The following RTL3 variants were observed in gnomAD, a reference collection of about 807,000 sequenced individuals.
RTL3 encodes the protein retrotransposon Gag like 3.
For synonymous variants in RTL3, 181 were observed against 132.2 expected (o/e 1.37, Z -2.53); for missense variants, 468 against 341.8 (o/e 1.37, Z -2.91).
rs931846858 is a variant in RTL3 at position 78,656,734 on chromosome X, G to T, written c.*259C>A. The T allele has an allele frequency of 2.8e-6, 1 of 353,650 alleles. No individual in the cohort carries two copies. The highest frequency in any genetic ancestry group is 4.9e-6 in the Non-Finnish European group (1 of 205,298). 29.1% of individuals were successfully genotyped at this position (353,650 alleles called of 1,213,427 possible). The stretch of plus-strand genomic sequence containing the variant: ...AACTTGGACAGGTGATGTTTCCTTA[G>T]TTATGGGTCCATTAATAAGTGGATG... On this transcript the variant is annotated 3_prime_UTR_variant, in exon 2 of 2. Transcript: ENST00000321110.
At position 78,658,139 on chromosome X, in the gene RTL3, A is replaced by G; in HGVS notation, c.282T>C (p.Leu94=). The G allele has an allele frequency of 8.6e-7, 1 of 1,161,005 alleles. No homozygotes were observed. The highest frequency in any genetic ancestry group is 3.0e-5 in the East Asian group (1 of 33,327). Residue 94 remains leucine (L), a synonymous_variant, in exon 2 of 2, where the codon CTT becomes CTC. Transcript: ENST00000321110. ...AGGCTGCTGGGGGTTCCCAGGGTAG[A>G]AGATCCTGTGGCTCTGGTGGCTTCT... is the stretch of plus-strand genomic sequence containing the variant. The part of the protein sequence containing the change: ...EPQKPPEPQD[L]LPWEPPAAWE...
Position 78,657,492 on chromosome X carries a change from G to A in RTL3, c.929C>T (p.Pro310Leu). The A allele has an allele frequency of 1.7e-6, 2 of 1,207,269 alleles. No individual in the cohort carries two copies. Among genetic ancestry groups the A allele is most frequent in the Non-Finnish European group, 2.2e-6 (2 of 893,024 alleles). ...PLLEQCESFI[P>L]VLQDTFDNPE... ...ATTATCAAAAGTATCCTGGAGCACA[G>A]GTATGAAACTTTCACATTGCTCCAG... Residue 310 changes from proline to leucine, a missense_variant, in exon 2 of 2, where the codon CCT becomes CTT. Transcript: ENST00000321110.
In RTL3 at chrX:78,657,623, C is replaced by A; in HGVS notation, c.798G>T (p.Gly266=). 8.3e-7 allele frequency: 1 copy of A among 1,206,906 alleles called. No homozygotes were observed. The highest frequency in any genetic ancestry group is 1.1e-6 in the Non-Finnish European group (1 of 892,971). The change falls in exon 2 of 2, where the codon GGG becomes GGT. Residue 266 remains glycine, a synonymous_variant. Coordinates refer to ENST00000321110, the MANE Select transcript of RTL3 (RefSeq NM_152694.3). ...VQLYSYMRVR[G]HLYPTEAALV... is the part of the protein sequence containing the mutation. Reference sequence around the variant, plus strand: ...GGGCTGCTTCAGTGGGATACAGGTGCCCTCTGACTCTCATGTAACTATACA... The same window carrying A: ...GGGCTGCTTCAGTGGGATACAGGTGACCTCTGACTCTCATGTAACTATACA...
Position 78,657,893 on chromosome X carries a change from A to T in RTL3, c.528T>A (p.Thr176=), listed in dbSNP as rs763677396. The T allele has an allele frequency of 8.3e-7, 1 of 1,207,385 alleles. No individual in the cohort carries two copies. The highest frequency in any genetic ancestry group is 3.0e-5 in the East Asian group (1 of 33,803). ...KPQEAPEYQE[T]AAQLEFLELP... ...GCTCAAGGAACTCTAGCTGTGCTGC[A>T]GTTTCCTGGTATTCTGGTGCCTCCT... Residue 176 remains threonine, a synonymous_variant, in exon 2 of 2, where the codon ACT becomes ACA. Coordinates refer to ENST00000321110, the MANE Select transcript of RTL3 (RefSeq NM_152694.3).
chrX:78,657,123 T>C lies in RTL3; in HGVS notation c.1298A>G (p.Glu433Gly). Residue 433 changes from glutamate to glycine, a missense_variant, in exon 2 of 2, where the codon GAA (glutamate) becomes GGA (glycine). Coordinates refer to ENST00000321110, the MANE Select transcript of RTL3 (RefSeq NM_152694.3). ...QAAINCPHISEAEWVRWHKGR... is the reference protein window; with the variant it reads ...QAAINCPHISGAEWVRWHKGR... ...TTTGTGCCAACGGACCCATTCAGCT[T>C]CACTGATGTGTGGGCAGTTGATTGC... 2 of 1,212,233 alleles carry C rather than the reference T, an allele frequency of 1.6e-6. No individual in the cohort carries two copies. The highest frequency in any genetic ancestry group is 2.2e-6 in the Non-Finnish European group (2 of 895,612).
Position 78,658,304 on chromosome X carries a change from C to T in RTL3, c.117G>A (p.Glu39=). 2 of 1,211,248 alleles carry T rather than the reference C, an allele frequency of 1.7e-6. No individual in the cohort carries two copies. The highest frequency in any genetic ancestry group is 2.2e-6 in the Non-Finnish European group (2 of 895,364). The part of the protein sequence containing the change: ...ENAALQAQIP[E]LQKSQAAKEY... ...CCTTGGCTGCTTGGGACTTCTGAAG[C>T]TCTGGGATCTGGGCCTGGAGAGCAG... Residue 39 remains glutamate (E), a synonymous_variant, in exon 2 of 2, where the codon GAG becomes GAA. Coordinates refer to ENST00000321110, the MANE Select transcript of RTL3 (RefSeq NM_152694.3).
intron 1 of RTL3, among the ~76,000 whole-genome samples, chrX:78,658,854 A>T (rs897007718): frequency 3.6e-5 from 4 of 112,000 alleles, no homozygotes; most frequent in Non-Finnish European, 7.5e-5. Flanking sequence ...ATCCTTTGAA[A>T]CTTAACATTA....
In RTL3 at chrX:78,657,724, C is replaced by A; in HGVS notation, c.697G>T (p.Ala233Ser). ...GTGTATTGCAGGGGGAAATCTGTAGCCTCTAACCCAATAGGGGCCTGTGGA... is the reference window on the plus strand; with the variant it reads ...GTGTATTGCAGGGGGAAATCTGTAGACTCTAACCCAATAGGGGCCTGTGGA... ...EFPQAPIGLE[A>S]TDFPLQYTLT... The change falls in exon 2 of 2, where the codon GCT becomes TCT. Residue 233 changes from alanine (A) to serine (S), a missense_variant. Transcript: ENST00000321110. 1.7e-6 allele frequency: 2 copies of A among 1,211,114 alleles called. No homozygotes were observed. Among genetic ancestry groups the A allele is most frequent in the South Asian group, 1.8e-5 (1 of 56,835 alleles).
In RTL3 at chrX:78,658,220, G is replaced by A. The variant is rs756741156; in HGVS notation, c.201C>T (p.His67=). The A allele has an allele frequency of 1.8e-5, 22 of 1,208,510 alleles. No homozygotes were observed. The highest frequency in any genetic ancestry group is 2.3e-4 in the Middle Eastern group (1 of 4,323). The change falls in exon 2 of 2, where the codon CAC becomes CAT. Residue 67 remains histidine (H), a synonymous_variant. Coordinates refer to ENST00000321110, the MANE Select transcript of RTL3 (RefSeq NM_152694.3). ...CCTCCCAGGCTGCTGGGGGATTCAT[G>A]TGCTCTGGGAGCTTCTGGGGCTCCT... ...EAKEPQKLPE[H]MNPPAAWEAQ...
At position 78,657,645 on chromosome X, in the gene RTL3, T is replaced by C. The variant is rs758344841; in HGVS notation, c.776A>G (p.Tyr259Cys). The C allele has an allele frequency of 7.5e-6, 9 of 1,205,987 alleles. No homozygotes were observed. In the East Asian group the frequency reaches 2.7e-4, roughly 36 times the overall value. The stretch of plus-strand genomic sequence containing the variant: ...GTGCCCTCTGACTCTCATGTAACTA[T>C]ACAGCTGAACCAGGAACTCAGGAAG... ...QKLPEFLVQL[Y>C]SYMRVRGHLY... Residue 259 changes from tyrosine to cysteine, a missense_variant, in exon 2 of 2, where the codon TAT (tyrosine) becomes TGT (cysteine). By Grantham distance (194) the Tyr-to-Cys change is radical (BLOSUM62 -2). Coordinates refer to ENST00000321110, the MANE Select transcript of RTL3 (RefSeq NM_152694.3).
chrX:78,657,198 T>C lies in RTL3; in HGVS notation c.1223A>G (p.Glu408Gly). ...TGGTGGACTCTCGGGTCCATCTCCCTCTGCAGAGGAACTTTTCCCTAATGG... is the reference window on the plus strand; with the variant it reads ...TGGTGGACTCTCGGGTCCATCTCCCCCTGCAGAGGAACTTTTCCCTAATGG... ...PNPLGKSSSA[E>G]GDGPESPPAE... The change falls in exon 2 of 2, where the codon GAG becomes GGG. Residue 408 changes from glutamate (E) to glycine (G), a missense_variant. By Grantham distance (98) the Glu-to-Gly change is moderately conservative (BLOSUM62 -2). Transcript: ENST00000321110. 1.6e-6 allele frequency: 2 copies of C among 1,212,296 alleles called. No homozygotes were observed. Among genetic ancestry groups the C allele is most frequent in the Non-Finnish European group, 2.2e-6 (2 of 895,623 alleles).
chrX:78,657,460 T>C lies in RTL3; in HGVS notation c.961A>G (p.Asn321Asp), dbSNP rs746805876. 2.5e-6 allele frequency: 3 copies of C among 1,208,166 alleles called. No homozygotes were observed. The African/African-American group carries it at 5.2e-5, about 21-fold the overall frequency. The change falls in exon 2 of 2, where the codon AAC becomes GAC. Residue 321 changes from asparagine (N) to aspartate (D), a missense_variant. Asn to Asp is a conservative substitution (Grantham distance 23). Transcript: ENST00000321110. ...VLQDTFDNPE[N>D]MKDANQCIHQ... ...ATGCACTGGTTGGCATCTTTCATGT[T>C]TTCTGGATTATCAAAAGTATCCTGG...
In RTL3 at chrX:78,656,787, G is replaced by A. The variant is rs1437749516; in HGVS notation, c.*206C>T. 1 of 424,824 alleles carries A rather than the reference G, an allele frequency of 2.4e-6. No homozygotes were observed. Among genetic ancestry groups the A allele is most frequent in the South Asian group, 4.9e-5 (1 of 20,488 alleles). The allele number at this position is 424,824 out of a possible 1,213,427, so 35.0% of individuals were successfully genotyped here. On this transcript the variant is annotated 3_prime_UTR_variant, in exon 2 of 2. Coordinates refer to ENST00000321110, the MANE Select transcript of RTL3 (RefSeq NM_152694.3). ...CGTCGACAGTTTCCAGCATCAGAGG[G>A]AAGATATTACTGCGGATGGGCAGCT...
Position 78,658,274 on chromosome X carries a change from A to C in RTL3, c.147T>G (p.Tyr49Ter). ...CCTCTGAGGACTTTCGGAGTAGATC[A>C]TACTCCTTGGCTGCTTGGGACTTCT... ...ELQKSQAAKE[Y>*]DLLRKSSEAK... The change falls in exon 2 of 2, where the codon TAT (tyrosine) becomes TAG (stop). Residue 49 changes from tyrosine to a stop codon, truncating the protein, a stop_gained. Coordinates refer to ENST00000321110, the MANE Select transcript of RTL3 (RefSeq NM_152694.3). LOFTEE classifies it low-confidence loss of function (END_TRUNC). 8.3e-7 allele frequency: 1 copy of C among 1,210,610 alleles called. No homozygotes were observed. Among genetic ancestry groups the C allele is most frequent in the Non-Finnish European group, 1.1e-6 (1 of 895,199 alleles).
Position 78,656,976 on chromosome X carries a change from C to T in RTL3, c.*17G>A, listed in dbSNP as rs1923002673. The T allele has an allele frequency of 8.4e-7, 1 of 1,190,223 alleles. No individual in the cohort carries two copies. The highest frequency in any genetic ancestry group is 1.7e-5 in the African/African-American group (1 of 57,521). On this transcript the variant is annotated 3_prime_UTR_variant, in exon 2 of 2. Coordinates refer to ENST00000321110, the MANE Select transcript of RTL3 (RefSeq NM_152694.3). The stretch of plus-strand genomic sequence containing the variant: ...AGGGGGACGCATATTTGTAGATTGG[C>T]CCACGTGGGGTCCCCCTTACTGGCA...
chrX:78,657,648 A>C lies in RTL3; in HGVS notation c.773T>G (p.Leu258Arg). Residue 258 changes from leucine to arginine, a missense_variant, in exon 2 of 2, where the codon CTG becomes CGG. By Grantham distance (102) the Leu-to-Arg change is moderately radical (BLOSUM62 -2). Coordinates refer to ENST00000321110, the MANE Select transcript of RTL3 (RefSeq NM_152694.3). ...SQKLPEFLVQ[L>R]YSYMRVRGHL... Reference sequence around the variant, plus strand: ...CCCTCTGACTCTCATGTAACTATACAGCTGAACCAGGAACTCAGGAAGCTT... The same window carrying C: ...CCCTCTGACTCTCATGTAACTATACCGCTGAACCAGGAACTCAGGAAGCTT... The C allele has an allele frequency of 8.3e-7, 1 of 1,207,925 alleles. No individual in the cohort carries two copies. The highest frequency in any genetic ancestry group is 1.8e-5 in the South Asian group (1 of 56,195).
At position 78,657,959 on chromosome X, in the gene RTL3, C is replaced by A. The variant is rs773935855; in HGVS notation, c.462G>T (p.Lys154Asn). 1.7e-6 allele frequency: 2 copies of A among 1,206,331 alleles called. No individual in the cohort carries two copies. The highest frequency in any genetic ancestry group is 5.9e-5 in the East Asian group (2 of 33,763). Residue 154 changes from lysine to asparagine, a missense_variant, in exon 2 of 2, where the codon AAG (lysine) becomes AAT (asparagine). Lys to Asn is a moderately conservative substitution (Grantham distance 94). Transcript: ENST00000321110. Reference sequence around the variant, plus strand: ...TTGGGGGATCCTGGGGTTCTGAATTCTTGGGCTCTTGGGCTATTGTGGCAT... The same window carrying A: ...TTGGGGGATCCTGGGGTTCTGAATTATTGGGCTCTTGGGCTATTGTGGCAT... ...TQDATIAQEP[K>N]NSEPQDPPNI...
chrX:78,657,081 T>C lies in RTL3; in HGVS notation c.1340A>G (p.Tyr447Cys). 8.2e-7 allele frequency: 1 copy of C among 1,212,155 alleles called. No individual in the cohort carries two copies. Among genetic ancestry groups the C allele is most frequent in the Non-Finnish European group, 1.1e-6 (1 of 895,577 alleles). Reference sequence around the variant, plus strand: ...GGCAAAATGACCAGGATAACCACAGTAGAGGCATAAGCGGCCTTTGTGCCA... The same window carrying C: ...GGCAAAATGACCAGGATAACCACAGCAGAGGCATAAGCGGCCTTTGTGCCA... ...VRWHKGRLCL[Y>C]CGYPGHFARD... The change falls in exon 2 of 2, where the codon TAC becomes TGC. Residue 447 changes from tyrosine (Y) to cysteine (C), a missense_variant. By Grantham distance (194) the Tyr-to-Cys change is radical. Transcript: ENST00000321110.
chrX:78,657,115 A>C lies in RTL3; in HGVS notation c.1306T>G (p.Trp436Gly). The C allele has an allele frequency of 1.6e-6, 2 of 1,212,309 alleles. No individual in the cohort carries two copies. The highest frequency in any genetic ancestry group is 3.5e-5 in the South Asian group (2 of 57,031). Residue 436 changes from tryptophan to glycine, a missense_variant, in exon 2 of 2, where the codon TGG becomes GGG. Trp to Gly is a radical substitution (Grantham distance 184). Coordinates refer to ENST00000321110, the MANE Select transcript of RTL3 (RefSeq NM_152694.3). ...AAGCGGCCTTTGTGCCAACGGACCC[A>C]TTCAGCTTCACTGATGTGTGGGCAG... ...INCPHISEAE[W>G]VRWHKGRLCL...
Sources: gnomAD v4.1 joint callset for allele counts (sites outside exome capture counted in the v4.1 genomes callset) on GRCh38, gnomAD v4.1.1 for gene constraint, MANE v1.5 for transcripts, NCBI Gene and HGNC (gene_info 2026-07-23, HGNC 2026-07-21) for gene names.